Variants in PRDM5 observed in about 807,000 individuals in gnomAD.
PRDM5 encodes PR domain zinc finger protein 5.
Under a neutral mutation model 81.2 loss-of-function variants are expected in PRDM5, and 56 were observed. The observed-to-expected ratio is 0.69, with a 90% confidence interval of 0.56 to 0.86. The LOEUF (loss-of-function observed/expected upper bound fraction) is 0.86, where lower values mean the gene tolerates loss of function less well. Among genes scored for constraint, PRDM5 ranks in the 40% least tolerant of loss-of-function variants. PRDM5 has a pLI of 0.00. For missense variants in PRDM5, 697 were observed against 770.1 expected (o/e 0.91, Z 1.12); for synonymous variants, 267 against 256.4 (o/e 1.04, Z -0.39).
chr4:120,863,272 G>A (rs560179932), intron 2 of PRDM5, among the ~76,000 whole-genome samples: 20 of 147,928 alleles, frequency 1.4e-4, no homozygotes, highest in Admixed American at 9.6e-4. Flanking sequence ...TTCACGGGAG[G>A]GAGACAGCAT....
chr4:120,689,440 G>C (rs527670796), downstream of PRDM5, among the ~76,000 whole-genome samples: 3 of 151,996 alleles, frequency 2.0e-5, no homozygotes, highest in African/African-American at 7.2e-5. Context: ...GCTATGCACT[G>C]TGTTTGTCAG....
At chr4:120,723,888 AT>A (rs1381230597) in intron 14 of PRDM5, among the ~76,000 whole-genome samples, 1 of 150,318 alleles carries the variant, frequency 6.7e-6, no homozygotes, top group Non-Finnish European at 1.5e-5. Context: ...GCTAATGAAA[AT>A]CAAAGTAAGT....
intron 15 of PRDM5, among the ~76,000 whole-genome samples, chr4:120,699,694 G>A (rs1457742159): frequency 6.6e-6 from 1 of 152,016 alleles, no homozygotes; most frequent in East Asian, 1.9e-4. Context: ...AAAGTACTTA[G>A]GAATACATCT....
chr4:120,855,900 C>T (rs1013619598), intron 2 of PRDM5, among the ~76,000 whole-genome samples: 4 of 152,196 alleles, frequency 2.6e-5, no homozygotes, highest in Non-Finnish European at 4.4e-5. Flanking sequence ...TAGTTTATGG[C>T]CCTTCTTAAT....
At chr4:120,859,006 A>G (rs1389790755) in intron 2 of PRDM5, among the ~76,000 whole-genome samples, 1 of 152,162 alleles carries the variant, frequency 6.6e-6, no homozygotes, top group Admixed American at 6.5e-5. Context: ...AAATGGGGAC[A>G]ACAGTTTCTG....
intron 14 of PRDM5, among the ~76,000 whole-genome samples, chr4:120,724,310 A>G (rs1305671016): frequency 6.6e-6 from 1 of 152,230 alleles, no homozygotes; most frequent in Non-Finnish European, 1.5e-5. Context: ...CAAGAAGAGT[A>G]CAATGGATTA....
At position 120,766,708 on chromosome 4, in the gene PRDM5, C is replaced by G. The variant is rs560762865; in HGVS notation, c.1537+10480G>C. On this transcript the variant is annotated intron_variant, in intron 13 of 15. Coordinates refer to ENST00000264808, the MANE Select transcript of PRDM5 (RefSeq NM_018699.4). ...AGTTTAAGCCTCGGTTTAGTTCTAG[C>G]TGAACCACATACAAGTTTTATGACC... Among the ~76,000 whole-genome samples the G allele has an allele frequency of 7.2e-5, 11 of 152,290 alleles. No individual in the cohort carries two copies. In the South Asian group the frequency reaches 1.7e-3, roughly 23 times the overall value.
intron 2 of PRDM5, among the ~76,000 whole-genome samples, chr4:120,885,956 G>A (rs770962062): frequency 3.3e-5 from 5 of 152,030 alleles, no homozygotes; most frequent in Non-Finnish European, 5.9e-5. Flanking sequence ...CTCAGGTTTT[G>A]CTGAATGACC....
chr4:120,782,374 C>G (rs1749162945), intron 11 of PRDM5, among the ~76,000 whole-genome samples: 1 of 152,008 alleles, frequency 6.6e-6, no homozygotes, highest in Non-Finnish European at 1.5e-5. Flanking sequence ...CTTCTAAATT[C>G]CTTCCATCAT....
chr4:120,784,079 T>C (rs1394675720), intron 11 of PRDM5, among the ~76,000 whole-genome samples: 1 of 152,152 alleles, frequency 6.6e-6, no homozygotes, highest in Admixed American at 6.6e-5. Flanking sequence ...TTACCCATGG[T>C]ACACAATTTT....
At chr4:120,875,313 G>A (rs2148558145) in intron 2 of PRDM5, among the ~76,000 whole-genome samples, 1 of 152,322 alleles carries the variant, frequency 6.6e-6, no homozygotes, top group African/African-American at 2.4e-5. Context: ...CAATTGATCA[G>A]TGGAGTTTGC....
intron 3 of PRDM5, among the ~76,000 whole-genome samples, chr4:120,829,771 C>T (rs538494203): frequency 2.0e-5 from 3 of 152,038 alleles, no homozygotes; most frequent in Admixed American, 6.6e-5. Flanking sequence ...CACTATCCAG[C>T]TAACATGACT....
At position 120,816,846 on chromosome 4, in the gene PRDM5, G is replaced by C. The variant is rs769722426; in HGVS notation, c.729C>G (p.Phe243Leu). Reference protein sequence around the residue: ...SFQCSVCNSSFSSASSFEQHQ... With the variant: ...SFQCSVCNSSLSSASSFEQHQ... ...AGACACAAAACCTCGATGCTGAACTGAAGGAAGAATTGCAAACAGAGCACT... is the reference window on the plus strand; with the variant it reads ...AGACACAAAACCTCGATGCTGAACTCAAGGAAGAATTGCAAACAGAGCACT... The change falls in exon 6 of 16, where the codon TTC (phenylalanine) becomes TTG (leucine). Residue 243 changes from phenylalanine to leucine, a missense_variant. Phe to Leu is a conservative substitution (Grantham distance 22, BLOSUM62 0). This residue lies in a region of PRDM5 where 577 missense variants were observed against 606.7 expected (regional missense o/e 0.95). Coordinates refer to ENST00000264808, the MANE Select transcript of PRDM5 (RefSeq NM_018699.4). 6.2e-7 allele frequency: 1 copy of C among 1,613,664 alleles called. No homozygotes were observed. Among genetic ancestry groups the C allele is most frequent in the East Asian group, 2.2e-5 (1 of 44,884 alleles).
chr4:120,720,767 A>T (rs954451505), intron 14 of PRDM5, among the ~76,000 whole-genome samples: 2 of 152,224 alleles, frequency 1.3e-5, no homozygotes, highest in African/African-American at 2.4e-5. Flanking sequence ...ATGGCCTAGT[A>T]AACAATGCAT....
chr4:120,792,231 A>G (rs1750681772), intron 10 of PRDM5, among the ~76,000 whole-genome samples: 1 of 152,196 alleles, frequency 6.6e-6, no homozygotes, highest in Admixed American at 6.5e-5. Context: ...CACATGTGGT[A>G]ATAATTAACA....
intron 1 of PRDM5, among the ~76,000 whole-genome samples, chr4:120,909,723 G>A (rs1239975307): frequency 2.0e-5 from 3 of 151,778 alleles, no homozygotes; most frequent in African/African-American, 7.3e-5. Flanking sequence ...GGTGGGGGGT[G>A]CGGGGGAAGC....
At chr4:120,768,649 A>G (rs1746765135) in intron 13 of PRDM5, among the ~76,000 whole-genome samples, 1 of 152,164 alleles carries the variant, frequency 6.6e-6, no homozygotes, top group Admixed American at 6.6e-5. Flanking sequence ...ATTGTTTGTA[A>G]TTATTCCAGC....
At chr4:120,732,031 G>C (rs1740338685) in intron 14 of PRDM5, among the ~76,000 whole-genome samples, 1 of 152,166 alleles carries the variant, frequency 6.6e-6, no homozygotes, top group African/African-American at 2.4e-5. Flanking sequence ...TTAAGGAACT[G>C]TGTGTCTGAT....
At chr4:120,843,635 G>C (rs979243762) in intron 3 of PRDM5, among the ~76,000 whole-genome samples, 2 of 150,044 alleles carry the variant, frequency 1.3e-5, no homozygotes, top group Non-Finnish European at 3.0e-5. Flanking sequence ...AGGCTGCAAT[G>C]AGCCATGATC....
Sources: allele counts gnomAD v4.1 joint callset (sites outside exome capture counted in the v4.1 genomes callset), GRCh38; gene constraint gnomAD v4.1.1; regional missense constraint gnomAD v4.1.1; transcripts MANE v1.5; gene names NCBI Gene and HGNC (gene_info 2026-07-23, HGNC 2026-07-21).